Variants in ASXL1 observed in about 807,000 individuals in gnomAD.
ASXL1 encodes polycomb group protein ASXL1.
ASXL1 carries 65 observed loss-of-function variants against 89.1 expected under a neutral mutation model. The ratio of observed to expected loss-of-function variants is 0.73; its 90% confidence interval spans 0.60 to 0.90. The LOEUF (loss-of-function observed/expected upper bound fraction) is 0.90, where lower values mean the gene tolerates loss of function less well. ASXL1 is among the 40% of genes least tolerant of loss of function. The pLI, the probability that ASXL1 is intolerant of heterozygous loss-of-function variation, is 0.00. For synonymous variants in ASXL1, 739 were observed against 746.9 expected (o/e 0.99, Z 0.17); for missense variants, 1,786 against 1,942.9 (o/e 0.92, Z 1.52).
At chr20:32,410,801 G>A (rs2049028992) in intron 4 of ASXL1, among the ~76,000 whole-genome samples, 2 of 152,188 alleles carry the variant, frequency 1.3e-5, no homozygotes, top group African/African-American at 4.8e-5. Flanking sequence ...GACCGAGGTG[G>A]GTGGATCATT....
At chr20:32,366,489 A>G (rs2048206533) in intron 2 of ASXL1, 23 bp downstream of exon 2, 3 of 1,613,388 alleles carry the variant, frequency 1.9e-6, no homozygotes, top group Non-Finnish European at 2.5e-6. Flanking sequence ...CTTGTTGCTT[A>G]ACATGAGGGT....
At chr20:32,364,894 G>C (rs1054264723) in intron 1 of ASXL1, among the ~76,000 whole-genome samples, 6 of 152,224 alleles carry the variant, frequency 3.9e-5, no homozygotes, top group African/African-American at 1.4e-4. Context: ...GAATGGATTT[G>C]AGGAAAGCAG....
At chr20:32,366,581 A>G in intron 2 of ASXL1, 115 bp downstream of exon 2, 1 of 1,575,244 alleles carries the variant, frequency 6.3e-7, no homozygotes, top group Non-Finnish European at 8.6e-7. Flanking sequence ...TGTGTCTGGT[A>G]GTGAGATGGA....
intron 4 of ASXL1, among the ~76,000 whole-genome samples, chr20:32,395,423 T>C (rs1247515402): frequency 6.6e-6 from 1 of 152,202 alleles, no homozygotes; most frequent in Non-Finnish European, 1.5e-5. Flanking sequence ...TTGCCTTTTT[T>C]GGTTAATTTT....
chr20:32,420,924 G>A (rs376738594), intron 4 of ASXL1, among the ~76,000 whole-genome samples: 4 of 152,032 alleles, frequency 2.6e-5, no homozygotes, highest in Non-Finnish European at 5.9e-5. Flanking sequence ...TTGCAGGGAC[G>A]TGGATGAAGC....
intron 4 of ASXL1, among the ~76,000 whole-genome samples, chr20:32,404,461 A>G (rs2123070869): frequency 6.6e-6 from 1 of 152,288 alleles, no homozygotes; most frequent in Middle Eastern, 3.4e-3. Context: ...TAATATATAG[A>G]CATTATTGAT....
intron 4 of ASXL1, among the ~76,000 whole-genome samples, chr20:32,414,675 T>C (rs557618012): frequency 3.3e-4 from 51 of 152,318 alleles, no homozygotes; most frequent in Non-Finnish European, 5.4e-4. Context: ...ACAATGTGCT[T>C]AAATAGCTGG....
In ASXL1 at chr20:32,437,580, C is replaced by G. The variant is rs190131281; in HGVS notation, c.*242C>G. On this transcript the variant is annotated 3_prime_UTR_variant, in exon 13 of 13. Coordinates refer to ENST00000375687, the MANE Select transcript of ASXL1 (RefSeq NM_015338.6). ...AGGCCAGCCAGCCTGAGCTCTCCTG[C>G]AAGACAGAGCCTGATGTGGCACGGA... 2.7e-5 allele frequency: 14 copies of G among 524,998 alleles called. No homozygotes were observed. The Admixed American group carries it at 4.0e-4, about 15-fold the overall frequency. The allele number at this position is 524,998 out of a possible 1,614,324, so 32.5% of individuals were successfully genotyped here. A position where few individuals can be genotyped will look rare whatever the true frequency, so the allele number is the denominator to read the frequency against.
intron 4 of ASXL1, among the ~76,000 whole-genome samples, chr20:32,373,712 C>T (rs1007378177): frequency 1.3e-5 from 2 of 151,786 alleles, no homozygotes; most frequent in Non-Finnish European, 2.9e-5. Flanking sequence ...ACTGAAAATG[C>T]GAAAATTAGC....
chr20:32,422,136 T>C (rs1411845889), intron 4 of ASXL1, among the ~76,000 whole-genome samples: 5 of 149,770 alleles, frequency 3.3e-5, no homozygotes, highest in African/African-American at 1.2e-4. Flanking sequence ...GCCTTGGCCT[T>C]CCAAAGTGCT....
At chr20:32,359,124 C>T in intron 1 of ASXL1, 6 of 615,148 alleles carry the variant, frequency 9.8e-6, no homozygotes, top group South Asian at 3.8e-5. Flanking sequence ...CAGCGGGGTC[C>T]CGCGTCCCCT....
chr20:32,372,357 T>C, intron 4 of ASXL1: 1 of 1,142,946 alleles, frequency 8.7e-7, no homozygotes, highest in Non-Finnish European at 1.1e-6. Flanking sequence ...CTTCATAGTA[T>C]CTTGTTCATT....
chr20:32,377,184 A>G (rs938074397), intron 4 of ASXL1, among the ~76,000 whole-genome samples: 1 of 143,606 alleles, frequency 7.0e-6, no homozygotes, highest in Non-Finnish European at 1.5e-5. Context: ...ATAATATATT[A>G]TAGATATATC....
At chr20:32,428,652 CTTTTTTTTTTTT>C (rs35966674) in intron 6 of ASXL1, 12 of 147,934 alleles carry the variant, frequency 8.1e-5, no homozygotes, top group South Asian at 1.6e-4. Context: ...TTTGTTCATT[CTTTTTTTTTTTT>C]TTTTTTTTTT....
At chr20:32,434,305 G>A in intron 12 of ASXL1, 127 bp from the exon 13 acceptor site, 2 of 1,243,002 alleles carry the variant, frequency 1.6e-6, no homozygotes, top group African/African-American at 3.0e-5. Flanking sequence ...TGATTTCATT[G>A]TTTTAAGGAA....
intron 4 of ASXL1, among the ~76,000 whole-genome samples, chr20:32,395,627 T>C (rs2048748787): frequency 6.6e-6 from 1 of 152,190 alleles, no homozygotes; most frequent in African/African-American, 2.4e-5. Context: ...ACATGTATAT[T>C]TGGCTGCTTG....
chr20:32,375,312 G>T (rs957609361), intron 4 of ASXL1, among the ~76,000 whole-genome samples: 1 of 152,014 alleles, frequency 6.6e-6, no homozygotes, highest in Non-Finnish European at 1.5e-5. Context: ...AGCTGGGTGT[G>T]GTGGCGTGCA....
In ASXL1 at chr20:32,433,338, T is replaced by C. The variant is rs1429994829; in HGVS notation, c.1140T>C (p.Ala380=). 1.2e-6 allele frequency: 2 copies of C among 1,613,982 alleles called. No individual in the cohort carries two copies. Among genetic ancestry groups the C allele is most frequent in the South Asian group, 1.1e-5 (1 of 91,082 alleles). ...SLQQNVGQEE[A]EIKSGLCVPG... ...AGCAGAACGTGGGCCAGGAGGAGGC[T>C]GAAATCAAAAGTGGCTTGTGTGTCC... The change falls in exon 12 of 13, where the codon GCT becomes GCC. Residue 380 remains alanine (A), a synonymous_variant. Coordinates refer to ENST00000375687, the MANE Select transcript of ASXL1 (RefSeq NM_015338.6).
At chr20:32,364,672 A>AC (rs2048177284) in intron 1 of ASXL1, among the ~76,000 whole-genome samples, 1 of 152,218 alleles carries the variant, frequency 6.6e-6, no homozygotes, top group African/African-American at 2.4e-5. Flanking sequence ...AGCTGAGACT[A>AC]TAGGTGTGCA....
Sources: gnomAD v4.1 joint callset for allele counts (sites outside exome capture counted in the v4.1 genomes callset) on GRCh38, gnomAD v4.1.1 for gene constraint, MANE v1.5 for transcripts, NCBI Gene and HGNC (gene_info 2026-07-23, HGNC 2026-07-21) for gene names.